The following ZBBX variants were observed in gnomAD, a reference collection of about 807,000 sequenced individuals.
ZBBX encodes the protein zinc finger B-box domain-containing protein 1.
ZBBX carries 101 observed loss-of-function variants against 108.5 expected under a neutral mutation model. The ratio of observed to expected loss-of-function variants is 0.93; its 90% confidence interval spans 0.79 to 1.10. The LOEUF is 1.10. Among genes scored for constraint, ZBBX ranks in the 50% least tolerant of loss-of-function variants. The pLI, the probability that ZBBX is intolerant of heterozygous loss-of-function variation, is 0.00. For synonymous variants in ZBBX, 356 were observed against 323.4 expected (o/e 1.10, Z -1.08); for missense variants, 1,009 against 941.4 (o/e 1.07, Z -0.94).
chr3:167,374,696 T>C (rs1046692485), intron 2 of ZBBX, among the ~76,000 whole-genome samples: 3 of 151,986 alleles, frequency 2.0e-5, no homozygotes, highest in East Asian at 1.9e-4. Context: ...TAGAGTCAAA[T>C]AGGGCATATA....
chr3:167,267,841 C>A (rs540261912), intron 20 of ZBBX, among the ~76,000 whole-genome samples: 1 of 152,148 alleles, frequency 6.6e-6, no homozygotes, highest in South Asian at 2.1e-4. Context: ...AGGACTCCAG[C>A]GCATGGGATC....
intron 18 of ZBBX, among the ~76,000 whole-genome samples, chr3:167,292,343 A>G (rs753534319): frequency 6.6e-6 from 1 of 151,424 alleles, no homozygotes. Context: ...AATGAAAAGC[A>G]TAACAGTCTC....
chr3:167,382,480 C>T (rs965004878), upstream of ZBBX, among the ~76,000 whole-genome samples: 2 of 152,094 alleles, frequency 1.3e-5, no homozygotes, highest in Non-Finnish European at 1.5e-5. Context: ...CTTCTTTGTG[C>T]CACAGTGGAG....
chr3:167,215,945 A>G, the ZBBX span, among the ~76,000 whole-genome samples: 681 of 152,262 alleles, frequency 4.5e-3, 1 homozygote, highest in African/African-American at 0.016. Flanking sequence ...CATGTTAAAA[A>G]CTCTCAATAA....
intron 4 of ZBBX, among the ~76,000 whole-genome samples, chr3:167,371,480 T>C (rs548265806): frequency 1.3e-5 from 2 of 152,212 alleles, no homozygotes; most frequent in Non-Finnish European, 2.9e-5. Context: ...TGCTTCATTC[T>C]ATATTGTCAG....
intron 17 of ZBBX, 76 bp from the exon 18 acceptor site, chr3:167,298,534 T>TA (rs1732064879): frequency 6.4e-6 from 7 of 1,101,286 alleles, no homozygotes; most frequent in Non-Finnish European, 7.4e-6. Context: ...ATCAGATACC[T>TA]ACTTGGTATC....
At chr3:167,266,839 TTCTCTGG>T (rs559254321) in intron 20 of ZBBX, among the ~76,000 whole-genome samples, 22 of 152,280 alleles carry the variant, frequency 1.4e-4, no homozygotes, top group Non-Finnish European at 2.5e-4. Context: ...GAGCCCATTC[TTCTCTGG>T]GGAGGGATTT....
chr3:167,399,601 T>C (rs1748354134), intron 1 of ZBBX: 1 of 152,164 alleles, frequency 6.6e-6, no homozygotes, highest in Non-Finnish European at 1.5e-5. Flanking sequence ...GGGAATTTTA[T>C]GCCATAGGGG....
intron 20 of ZBBX, among the ~76,000 whole-genome samples, chr3:167,264,881 G>A (rs766671553): frequency 5.3e-5 from 8 of 152,070 alleles, no homozygotes; most frequent in Non-Finnish European, 8.8e-5. Context: ...ATTTCTACTC[G>A]GCCACCACCA....
At chr3:167,377,318 A>G (rs1434843710) in intron 2 of ZBBX, among the ~76,000 whole-genome samples, 3 of 152,174 alleles carry the variant, frequency 2.0e-5, no homozygotes, top group Non-Finnish European at 4.4e-5. Context: ...GCAAGAGAAC[A>G]CCATTGGCAG....
intron 21 of ZBBX, among the ~76,000 whole-genome samples, chr3:167,241,376 A>G (rs926397815): frequency 6.6e-5 from 10 of 152,164 alleles, no homozygotes; most frequent in African/African-American, 2.4e-4. Flanking sequence ...TAATGACGGC[A>G]TTTGTTTGTT....
chr3:167,256,838 T>C (rs1436621112), intron 20 of ZBBX, among the ~76,000 whole-genome samples: 1 of 152,110 alleles, frequency 6.6e-6, no homozygotes, highest in Admixed American at 6.6e-5. Flanking sequence ...TACTCCATTG[T>C]GTATATGTAT....
At chr3:167,387,652 A>T (rs1577142900) in intron 1 of ZBBX, among the ~76,000 whole-genome samples, 1 of 152,032 alleles carries the variant, frequency 6.6e-6, no homozygotes, top group African/African-American at 2.4e-5. Context: ...AAGAGAGAAG[A>T]GGTGGAAGGA....
intron 20 of ZBBX, among the ~76,000 whole-genome samples, chr3:167,259,819 C>T (rs953671676): frequency 6.6e-5 from 10 of 152,086 alleles, no homozygotes; most frequent in Non-Finnish European, 1.5e-4. Context: ...CAGTTTTATT[C>T]CACTGTGGTC....
At chr3:167,373,024 T>C (rs1746386878) in intron 3 of ZBBX, 74 bp from the exon 4 acceptor site, 1 of 659,122 alleles carries the variant, frequency 1.5e-6, no homozygotes, top group Non-Finnish European at 2.4e-6. Flanking sequence ...AAACTCCATA[T>C]AATTCAGGAA....
intron 1 of ZBBX, among the ~76,000 whole-genome samples, chr3:167,394,867 T>C (rs1748181498): frequency 6.6e-6 from 1 of 152,056 alleles, no homozygotes; most frequent in Admixed American, 6.6e-5. Context: ...TCTGTTCATT[T>C]CAGGAACACC....
chr3:167,254,252 G>A (rs1723087159), intron 20 of ZBBX, among the ~76,000 whole-genome samples: 1 of 152,102 alleles, frequency 6.6e-6, no homozygotes, highest in Non-Finnish European at 1.5e-5. Context: ...AACAAAAGGA[G>A]GTACAAAAGG....
intron 19 of ZBBX, among the ~76,000 whole-genome samples, chr3:167,283,163 G>T (rs765115208): frequency 6.6e-6 from 1 of 152,040 alleles, no homozygotes; most frequent in Non-Finnish European, 1.5e-5. Context: ...TCGCTACTTT[G>T]TCTTCACCTG....
At chr3:167,178,557 A>G in the ZBBX span, among the ~76,000 whole-genome samples, 2,030 of 152,082 alleles carry the variant, frequency 0.013, 22 homozygotes, top group South Asian at 0.026. Context: ...CAACTGGGGG[A>G]TCCTCAGGTT....
Sources: gnomAD v4.1 joint callset for allele counts (sites outside exome capture counted in the v4.1 genomes callset) on GRCh38, gnomAD v4.1.1 for gene constraint, MANE v1.5 for transcripts, NCBI Gene and HGNC (gene_info 2026-07-23, HGNC 2026-07-21) for gene names.